The following SPOCK3 variants were observed in gnomAD, a reference collection of about 807,000 sequenced individuals.
SPOCK3 encodes testican-3.
Under a neutral mutation model 56.6 loss-of-function variants are expected in SPOCK3, and 30 were observed. The observed-to-expected ratio is 0.53, with a 90% CI of 0.40 to 0.72. The LOEUF is 0.72. SPOCK3 is among the 30% of genes least tolerant of loss of function. SPOCK3 has a pLI of 0.00. For synonymous variants in SPOCK3, 196 were observed against 183.3 expected (o/e 1.07, Z -0.56); for missense variants, 527 against 530.0 (o/e 0.99, Z 0.06).
chr4:167,032,878 G>A (rs986757139), intron 3 of SPOCK3, among the ~76,000 whole-genome samples: 3 of 151,910 alleles, frequency 2.0e-5, no homozygotes, highest in African/African-American at 4.8e-5. Flanking sequence ...AGATGCTAAT[G>A]AGACAATGAG....
chr4:167,084,483 G>A (rs1364318160), intron 2 of SPOCK3, among the ~76,000 whole-genome samples: 2 of 152,116 alleles, frequency 1.3e-5, no homozygotes, highest in African/African-American at 4.8e-5. Context: ...GATGTCAATG[G>A]AAATCTAGAT....
At chr4:166,814,645 G>T (rs1328681673) in intron 6 of SPOCK3, among the ~76,000 whole-genome samples, 1 of 152,010 alleles carries the variant, frequency 6.6e-6, no homozygotes, top group African/African-American at 2.4e-5. Flanking sequence ...TTTGTTGGGG[G>T]CTCTCAGGCC....
chr4:167,124,302 T>G (rs1413696273), intron 2 of SPOCK3, among the ~76,000 whole-genome samples: 1 of 152,170 alleles, frequency 6.6e-6, no homozygotes, highest in Non-Finnish European at 1.5e-5. Flanking sequence ...CCAACTCAGA[T>G]TCTCCCCTAC....
At chr4:166,824,189 TGC>T (rs1256471768) in intron 6 of SPOCK3, among the ~76,000 whole-genome samples, 3 of 152,090 alleles carry the variant, frequency 2.0e-5, no homozygotes, top group African/African-American at 7.2e-5. Context: ...CCTGTTCAAT[TGC>T]TACCCAATAA....
At chr4:166,826,620 G>T (rs1035636149) in intron 6 of SPOCK3, among the ~76,000 whole-genome samples, 4 of 152,024 alleles carry the variant, frequency 2.6e-5, no homozygotes, top group African/African-American at 9.7e-5. Flanking sequence ...AGGCCAAAGA[G>T]CACGTATAAT....
intron 2 of SPOCK3, among the ~76,000 whole-genome samples, chr4:167,100,133 TATAAA>T (rs1759511308): frequency 6.6e-6 from 1 of 152,160 alleles, no homozygotes; most frequent in Non-Finnish European, 1.5e-5. Flanking sequence ...ATTTACTTCC[TATAAA>T]ATATTTTATT....
At chr4:166,739,835 T>A (rs936962075) in intron 9 of SPOCK3, among the ~76,000 whole-genome samples, 1 of 152,136 alleles carries the variant, frequency 6.6e-6, no homozygotes. Flanking sequence ...CTCAAAAAGT[T>A]TGAAAATTGT....
At chr4:167,096,607 A>G (rs1185660958) in intron 2 of SPOCK3, among the ~76,000 whole-genome samples, 1 of 151,772 alleles carries the variant, frequency 6.6e-6, no homozygotes, top group African/African-American at 2.4e-5. Flanking sequence ...ATTCTGTTAT[A>G]CTCTGAGAAC....
chr4:166,793,445 GA>G (rs572563720), intron 6 of SPOCK3, among the ~76,000 whole-genome samples: 1 of 152,034 alleles, frequency 6.6e-6, no homozygotes, highest in South Asian at 2.1e-4. Context: ...CTGATGAGCT[GA>G]AAAAAACAAA....
intron 2 of SPOCK3, among the ~76,000 whole-genome samples, chr4:167,171,092 A>T (rs892424956): frequency 6.6e-6 from 1 of 152,188 alleles, no homozygotes; most frequent in African/African-American, 2.4e-5. Flanking sequence ...GATGATTGAA[A>T]GACTAAAGCA....
At chr4:166,812,665 T>G (rs1440609194) in intron 6 of SPOCK3, among the ~76,000 whole-genome samples, 1 of 152,010 alleles carries the variant, frequency 6.6e-6, no homozygotes, top group Non-Finnish European at 1.5e-5. Flanking sequence ...AACTAAAATA[T>G]TTAAAATATG....
At chr4:166,953,708 G>A (rs1743009340) in intron 4 of SPOCK3, among the ~76,000 whole-genome samples, 1 of 152,186 alleles carries the variant, frequency 6.6e-6, no homozygotes, top group South Asian at 2.1e-4. Flanking sequence ...ATGATAGACT[G>A]GATTAAGGAA....
intron 3 of SPOCK3, among the ~76,000 whole-genome samples, chr4:167,036,013 C>T (rs371706041): frequency 1.4e-4 from 22 of 152,166 alleles, no homozygotes; most frequent in South Asian, 6.2e-4. Flanking sequence ...TTTGAGCTTC[C>T]GCTGAACGCA....
intron 4 of SPOCK3, among the ~76,000 whole-genome samples, chr4:166,987,009 G>T (rs1747242849): frequency 6.6e-6 from 1 of 152,082 alleles, no homozygotes; most frequent in South Asian, 2.1e-4. Flanking sequence ...GCTTCTCACA[G>T]CACATGCAGT....
intron 2 of SPOCK3, among the ~76,000 whole-genome samples, chr4:167,109,165 T>C (rs868395931): frequency 4.1e-5 from 3 of 73,878 alleles, no homozygotes; most frequent in African/African-American, 1.2e-4. Context: ...ATATTATATA[T>C]TTATATAAAA....
chr4:167,229,161 A>T (rs1420672435), intron 2 of SPOCK3, among the ~76,000 whole-genome samples: 2 of 152,180 alleles, frequency 1.3e-5, no homozygotes, highest in Non-Finnish European at 2.9e-5. Context: ...TTATTGAGAA[A>T]GCATTCTTAA....
chr4:167,226,781 T>A (rs1328936618), intron 2 of SPOCK3, among the ~76,000 whole-genome samples: 1 of 152,066 alleles, frequency 6.6e-6, no homozygotes, highest in Non-Finnish European at 1.5e-5. Context: ...TGGCCATTAA[T>A]AGAGAAGCTT....
intron 4 of SPOCK3, among the ~76,000 whole-genome samples, chr4:166,960,201 T>C (rs962812356): frequency 2.0e-5 from 3 of 152,178 alleles, no homozygotes; most frequent in African/African-American, 7.2e-5. Context: ...TTGGAAATTG[T>C]TATACTTTAA....
chr4:166,762,450 T>A (rs1219080103), intron 7 of SPOCK3, among the ~76,000 whole-genome samples: 1 of 152,080 alleles, frequency 6.6e-6, no homozygotes, highest in Non-Finnish European at 1.5e-5. Context: ...AATGAATATC[T>A]GTTATCTACC....
Sources: allele counts gnomAD v4.1 joint callset (sites outside exome capture counted in the v4.1 genomes callset), GRCh38; gene constraint gnomAD v4.1.1; transcripts MANE v1.5; gene names NCBI Gene and HGNC (gene_info 2026-07-23, HGNC 2026-07-21).